Variants in CHST9 observed in about 807,000 individuals in gnomAD.
The protein encoded by CHST9 is carbohydrate sulfotransferase 9, also known as GalNAc-4-sulfotransferase 2.
A neutral mutation model predicts 44.4 loss-of-function variants in CHST9; 41 were observed. The ratio of observed to expected loss-of-function variants is 0.92; its 90% CI spans 0.72 to 1.20. The LOEUF is 1.20. Ranked by LOEUF, CHST9 falls within the 50% of genes most tolerant of loss-of-function variation. The pLI, the probability that CHST9 is intolerant of heterozygous loss-of-function variation, is 0.00. For synonymous variants in CHST9, 171 were observed against 178.4 expected (o/e 0.96, Z 0.33); for missense variants, 504 against 516.5 (o/e 0.98, Z 0.23).
At chr18:27,017,412 A>T (rs904813756) in intron 4 of CHST9, among the ~76,000 whole-genome samples, 31 of 152,234 alleles carry the variant, frequency 2.0e-4, no homozygotes, top group Non-Finnish European at 2.9e-5. Flanking sequence ...CATACAGTAG[A>T]ATATCACACA....
intron 2 of CHST9, among the ~76,000 whole-genome samples, chr18:27,089,726 T>G (rs940918088): frequency 2.0e-5 from 3 of 152,116 alleles, no homozygotes; most frequent in African/African-American, 7.2e-5. Context: ...TCTTCCACAA[T>G]AGTTGAACTA....
At chr18:26,917,489 G>T in intron 5 of CHST9, 139 bp from the exon 6 acceptor site, 6 of 969,210 alleles carry the variant, frequency 6.2e-6, no homozygotes, top group Non-Finnish European at 9.1e-6. Flanking sequence ...ATTTAGCAAG[G>T]CATGCTGAAC....
intron 2 of CHST9, among the ~76,000 whole-genome samples, chr18:27,118,674 G>A (rs952703779): frequency 6.6e-6 from 1 of 152,186 alleles, no homozygotes; most frequent in Non-Finnish European, 1.5e-5. Context: ...GGCATCCCAT[G>A]GTGCCCCTAT....
At chr18:27,055,556 C>T (rs1293076846) in intron 2 of CHST9, among the ~76,000 whole-genome samples, 3 of 152,010 alleles carry the variant, frequency 2.0e-5, no homozygotes, top group East Asian at 3.9e-4. Context: ...ACCACTATTG[C>T]CATGTTTAGC....
chr18:27,143,785 C>A (rs1295156478), intron 1 of CHST9, among the ~76,000 whole-genome samples: 1 of 151,924 alleles, frequency 6.6e-6, no homozygotes, highest in East Asian at 1.9e-4. Context: ...CACACCAGGG[C>A]CTCTTGGGGG....
chr18:26,994,347 T>C (rs1598622656), intron 4 of CHST9, among the ~76,000 whole-genome samples: 1 of 152,222 alleles, frequency 6.6e-6, no homozygotes, highest in Non-Finnish European at 1.5e-5. Flanking sequence ...ATAACAGTTA[T>C]GATCAGCCAA....
intron 4 of CHST9, among the ~76,000 whole-genome samples, chr18:27,017,759 A>T (rs1234761308): frequency 6.6e-6 from 1 of 152,238 alleles, no homozygotes; most frequent in Non-Finnish European, 1.5e-5. Context: ...TTGAGAGAAT[A>T]CTTAAGATCT....
At chr18:26,953,777 G>A (rs2056283665) in intron 4 of CHST9, among the ~76,000 whole-genome samples, 1 of 152,078 alleles carries the variant, frequency 6.6e-6, no homozygotes, top group South Asian at 2.1e-4. Flanking sequence ...CAAGACCATT[G>A]CTCCCAATTA....
At chr18:27,071,960 A>G (rs893789573) in intron 2 of CHST9, among the ~76,000 whole-genome samples, 2 of 152,054 alleles carry the variant, frequency 1.3e-5, no homozygotes, top group Middle Eastern at 3.2e-3. Flanking sequence ...GGCCTTCTAC[A>G]TATTTGCTGT....
At chr18:26,938,038 C>T (rs2145103136) in intron 5 of CHST9, among the ~76,000 whole-genome samples, 1 of 151,660 alleles carries the variant, frequency 6.6e-6, no homozygotes, top group Middle Eastern at 3.4e-3. Context: ...TGAGAGCTGT[C>T]TGTATATTTG....
At chr18:26,961,948 C>T (rs1388204438) in intron 4 of CHST9, among the ~76,000 whole-genome samples, 1 of 152,100 alleles carries the variant, frequency 6.6e-6, no homozygotes, top group Non-Finnish European at 1.5e-5. Context: ...ACTGGAAATA[C>T]AAAGGCGAAA....
At chr18:27,042,903 G>A (rs1462727259) in intron 3 of CHST9, among the ~76,000 whole-genome samples, 1 of 151,442 alleles carries the variant, frequency 6.6e-6, no homozygotes, top group African/African-American at 2.4e-5. Context: ...CCAACCCCTT[G>A]TCACTTGGTT....
chr18:26,994,035 C>A (rs1279467406), intron 4 of CHST9, among the ~76,000 whole-genome samples: 1 of 152,168 alleles, frequency 6.6e-6, no homozygotes, highest in Non-Finnish European at 1.5e-5. Flanking sequence ...TGATGTCTCT[C>A]TTTGTGTTCA....
chr18:26,950,068 C>T (rs865852993), intron 4 of CHST9, among the ~76,000 whole-genome samples: 2 of 152,238 alleles, frequency 1.3e-5, no homozygotes, highest in Middle Eastern at 3.4e-3. Context: ...TTGTTTTAAG[C>T]CACAGAGTTT....
chr18:27,028,683 G>C (rs1285867087), intron 3 of CHST9, among the ~76,000 whole-genome samples: 2 of 152,078 alleles, frequency 1.3e-5, no homozygotes, highest in Non-Finnish European at 2.9e-5. Context: ...GAGTAGCTGG[G>C]ACTACAGGCG....
intron 4 of CHST9, among the ~76,000 whole-genome samples, chr18:26,975,665 AT>A (rs2056609358): frequency 7.1e-6 from 1 of 141,034 alleles, no homozygotes; most frequent in African/African-American, 2.5e-5. Flanking sequence ...ATATATATAT[AT>A]ATAAATATAT....
chr18:26,956,272 A>T (rs1451854212), intron 4 of CHST9, among the ~76,000 whole-genome samples: 1 of 148,354 alleles, frequency 6.7e-6, no homozygotes, highest in African/African-American at 2.5e-5. Flanking sequence ...AGATTGCGCC[A>T]CTGAACTCCA....
intron 2 of CHST9, among the ~76,000 whole-genome samples, chr18:27,065,487 G>A (rs2057771547): frequency 6.6e-6 from 1 of 151,830 alleles, no homozygotes; most frequent in Non-Finnish European, 1.5e-5. Flanking sequence ...AATTCATTTT[G>A]GTTATTCAAG....
rs2058577577 is a variant in CHST9, at chr18:27,142,681, T to C, written c.121+8A>G. 2 of 1,579,776 alleles carry C rather than the reference T, an allele frequency of 1.3e-6. No individual in the cohort carries two copies. The highest frequency in any genetic ancestry group is 1.7e-6 in the Non-Finnish European group (2 of 1,166,452). ...CAATTAAAATAGAAGAAAAAGCACA[T>C]GTGTTACCTGTATGTTGTTCTTCAA... is the stretch of plus-strand genomic sequence containing the variant. On this transcript the variant is annotated splice_region_variant and intron_variant, in intron 2 of 5. Coordinates refer to ENST00000618847, the MANE Select transcript of CHST9 (RefSeq NM_031422.6).
Sources: gnomAD v4.1 joint callset for allele counts (sites outside exome capture counted in the v4.1 genomes callset) on GRCh38, gnomAD v4.1.1 for gene constraint, MANE v1.5 for transcripts, NCBI Gene and HGNC (gene_info 2026-07-23, HGNC 2026-07-21) for gene names.